The following IL17RD variants were observed in gnomAD, a reference collection of about 807,000 sequenced individuals.
IL17RD encodes interleukin-17 receptor D.
A neutral mutation model predicts 80.5 loss-of-function variants in IL17RD; 52 were observed. The ratio of observed to expected loss-of-function variants is 0.65; its 90% CI spans 0.52 to 0.81. IL17RD has a LOEUF of 0.81. IL17RD is among the 40% of genes least tolerant of loss of function. IL17RD has a pLI of 0.00. For synonymous variants in IL17RD, 416 were observed against 391.8 expected (o/e 1.06, Z -0.73); for missense variants, 1,024 against 955.1 (o/e 1.07, Z -0.95).
intron 1 of IL17RD, among the ~76,000 whole-genome samples, chr3:57,142,015 T>C (rs1192902362): frequency 3.3e-5 from 5 of 151,920 alleles, no homozygotes; most frequent in East Asian, 1.9e-4. Flanking sequence ...AACGCTCTTA[T>C]AGCCACAGGA....
chr3:57,168,188 C>G (rs148947582), upstream of IL17RD, among the ~76,000 whole-genome samples: 87 of 152,294 alleles, frequency 5.7e-4, no homozygotes, highest in African/African-American at 1.9e-3. Context: ...TTAGCACTTA[C>G]AAGAGAAAGA....
chr3:57,149,283 C>T (rs967451473), intron 1 of IL17RD, among the ~76,000 whole-genome samples: 1 of 144,160 alleles, frequency 6.9e-6, no homozygotes, highest in Non-Finnish European at 1.5e-5. Context: ...GTGACAAGAG[C>T]GAAACTCCAT....
rs904668017 is a variant in IL17RD at position 57,094,485 on chromosome 3, T to A, written c.*1908A>T. On this transcript the variant is annotated 3_prime_UTR_variant, in exon 13 of 13. Coordinates refer to ENST00000296318, the MANE Select transcript of IL17RD (RefSeq NM_017563.5). ...CACACCCTTGGAGCTCAGTTAATGC[T>A]TCTCCTCCCAGTCCTCCATTCTCTC... is the stretch of plus-strand genomic sequence containing the variant. The A allele has an allele frequency of 3.3e-5, 5 of 152,204 alleles. No homozygotes were observed. The highest frequency in any genetic ancestry group is 5.9e-5 in the Non-Finnish European group (4 of 68,042). The allele number at this position is 152,204 out of a possible 1,614,324, so 9.4% of individuals were successfully genotyped here.
At chr3:57,129,553 T>C (rs563437859) in intron 1 of IL17RD, among the ~76,000 whole-genome samples, 17 of 152,304 alleles carry the variant, frequency 1.1e-4, no homozygotes, top group African/African-American at 3.6e-4. Flanking sequence ...ATTCTGCTTT[T>C]ACAGCACAAA....
At chr3:57,138,939 CAAAAAAA>C (rs1026336884) in intron 1 of IL17RD, among the ~76,000 whole-genome samples, 3 of 40,492 alleles carry the variant, frequency 7.4e-5, no homozygotes, top group African/African-American at 1.8e-4. Context: ...AACTCCATCT[CAAAAAAA>C]AAAAAAAAAA....
Position 57,165,353 on chromosome 3 carries a change from T to A in IL17RD, c.-67A>T. ...CCGCCCGCCGCTGGCCAGCCCCGAG[T>A]GGGCGGTGGCCGCGGCGGCCGCGGC... On this transcript the variant is annotated 5_prime_UTR_variant, in exon 1 of 13. Coordinates refer to ENST00000296318, the MANE Select transcript of IL17RD (RefSeq NM_017563.5). 2 of 1,177,348 alleles carry A rather than the reference T, an allele frequency of 1.7e-6. No homozygotes were observed. The highest frequency in any genetic ancestry group is 4.7e-5 in the Admixed American group (1 of 21,286). 72.9% of individuals were successfully genotyped at this position (1,177,348 alleles called of 1,614,324 possible). A position where few individuals can be genotyped will look rare whatever the true frequency, so the allele number is the denominator to read the frequency against.
chr3:57,121,320 C>T (rs977178273), intron 1 of IL17RD, among the ~76,000 whole-genome samples: 1 of 152,126 alleles, frequency 6.6e-6, no homozygotes, highest in Admixed American at 6.6e-5. Flanking sequence ...TGATGGAGCC[C>T]AGGGTTTTCA....
Position 57,097,965 on chromosome 3 carries a change from C to A in IL17RD, c.1738G>T (p.Glu580Ter). 6.2e-7 allele frequency: 1 copy of A among 1,614,058 alleles called. No homozygotes were observed. Among genetic ancestry groups the A allele is most frequent in the Non-Finnish European group, 8.5e-7 (1 of 1,179,904 alleles). Reference sequence around the variant, plus strand: ...AAAACCAAGCCCGAATCAAATTTCTCCAAGACTGGCTCCCGGTAGCGCAGT... The same window carrying A: ...AAAACCAAGCCCGAATCAAATTTCTACAAGACTGGCTCCCGGTAGCGCAGT... ...PPLRYREPVL[E>*]KFDSGLVLND... Residue 580 changes from glutamate (E) to a stop codon, truncating the protein, a stop_gained, in exon 12 of 13, where the codon GAG (glutamate) becomes TAG (stop). Coordinates refer to ENST00000296318, the MANE Select transcript of IL17RD (RefSeq NM_017563.5). LOFTEE classifies it high-confidence loss of function.
chr3:57,091,878 G>A lies in IL17RD; in HGVS notation c.*4515C>T, dbSNP rs1222727312. Reference sequence around the variant, plus strand: ...CTGTCTGACACCAGGGGGAGAATATGCTAGATAATCTAAACTCTCTCCTAG... The same window carrying A: ...CTGTCTGACACCAGGGGGAGAATATACTAGATAATCTAAACTCTCTCCTAG... On this transcript the variant is annotated 3_prime_UTR_variant, in exon 13 of 13. Coordinates refer to ENST00000296318, the MANE Select transcript of IL17RD (RefSeq NM_017563.5). 2 of 152,222 alleles carry A rather than the reference G, an allele frequency of 1.3e-5. No individual in the cohort carries two copies. The highest frequency in any genetic ancestry group is 2.9e-5 in the Non-Finnish European group (2 of 68,038). 9.4% of individuals were successfully genotyped at this position (152,222 alleles called of 1,614,324 possible).
At chr3:57,159,107 A>G (rs2060286663) in intron 1 of IL17RD, among the ~76,000 whole-genome samples, 1 of 151,230 alleles carries the variant, frequency 6.6e-6, no homozygotes. Flanking sequence ...CTTAATTTAC[A>G]ATGTCGATAT....
At chr3:57,134,791 G>A (rs1376608884) in intron 1 of IL17RD, 2 of 418,406 alleles carry the variant, frequency 4.8e-6, no homozygotes, top group Admixed American at 6.9e-5. Flanking sequence ...AATAAAACAA[G>A]CCTTTACCTG....
chr3:57,105,552 A>AAAAAAT, intron 7 of IL17RD, among the ~76,000 whole-genome samples: 8 of 63,588 alleles, frequency 1.3e-4, no homozygotes, highest in African/African-American at 5.6e-4. Context: ...AAAAAAAAAA[A>AAAAAAT]ATATATATAT....
chr3:57,098,398 G>A lies in IL17RD; in HGVS notation c.1305C>T (p.Tyr435=). The change falls in exon 12 of 13, where the codon TAC becomes TAT. Residue 435 remains tyrosine (Y), a synonymous_variant. Coordinates refer to ENST00000296318, the MANE Select transcript of IL17RD (RefSeq NM_017563.5). Reference sequence around the variant, plus strand: ...AGCCTCGGCCACCTCCTTTGTGTTTGTAGTTCTTCTTGTCCACAAAGTACT... The same window carrying A: ...AGCCTCGGCCACCTCCTTTGTGTTTATAGTTCTTCTTGTCCACAAAGTACT... ...GMKYFVDKKN[Y]KHKGGGRGSG... is the part of the protein sequence containing the mutation. 1.2e-6 allele frequency: 2 copies of A among 1,613,976 alleles called. No individual in the cohort carries two copies. Among genetic ancestry groups the A allele is most frequent in the East Asian group, 2.2e-5 (1 of 44,874 alleles).
At chr3:57,111,337 G>C (rs1707092668) in intron 3 of IL17RD, among the ~76,000 whole-genome samples, 1 of 152,342 alleles carries the variant, frequency 6.6e-6, no homozygotes, top group South Asian at 2.1e-4. Context: ...GAGTAGGGAA[G>C]AGGAGCAACA....
intron 1 of IL17RD, among the ~76,000 whole-genome samples, chr3:57,163,029 T>A (rs767019939): frequency 1.3e-5 from 2 of 152,082 alleles, no homozygotes; most frequent in Non-Finnish European, 2.9e-5. Context: ...ACAGAGGGCA[T>A]CCATCCGGAG....
Position 57,098,026 on chromosome 3 carries a change from C to G in IL17RD, c.1677G>C (p.Trp559Cys). 6.2e-7 allele frequency: 1 copy of G among 1,614,054 alleles called. No homozygotes were observed. Among genetic ancestry groups the G allele is most frequent in the Non-Finnish European group, 8.5e-7 (1 of 1,179,906 alleles). ...GGAAGGGAACGAACTGCTTTTCGAACCAGTCGGGCTCCTCGTCAATAAACT... is the reference window on the plus strand; with the variant it reads ...GGAAGGGAACGAACTGCTTTTCGAAGCAGTCGGGCTCCTCGTCAATAAACT... The part of the protein sequence containing the change: ...MHQFIDEEPD[W>C]FEKQFVPFHP... The change falls in exon 12 of 13, where the codon TGG becomes TGC. Residue 559 changes from tryptophan to cysteine, a missense_variant. By Grantham distance (215) the Trp-to-Cys change is radical. Coordinates refer to ENST00000296318, the MANE Select transcript of IL17RD (RefSeq NM_017563.5).
intron 3 of IL17RD, among the ~76,000 whole-genome samples, chr3:57,113,756 T>G (rs2107489026): frequency 6.6e-6 from 1 of 152,152 alleles, no homozygotes; most frequent in Non-Finnish European, 1.5e-5. Flanking sequence ...TTGCCCAGGC[T>G]AGTCTCGAAC....
chr3:57,156,440 C>T (rs1286816892), intron 1 of IL17RD, among the ~76,000 whole-genome samples: 2 of 152,088 alleles, frequency 1.3e-5, no homozygotes, highest in African/African-American at 2.4e-5. Flanking sequence ...TGGCACGTGC[C>T]TGTAGTCCCA....
rs1179984316 is a variant in IL17RD at position 57,092,801 on chromosome 3, A to G, written c.*3592T>C. ...ATCTAACTACTGGCTGCATTTAGCA[A>G]GAGCATTTTCTGGTGGCACCGTCTG... is the stretch of plus-strand genomic sequence containing the variant. On this transcript the variant is annotated 3_prime_UTR_variant, in exon 13 of 13. Transcript: ENST00000296318. 3 of 152,202 alleles carry G rather than the reference A, an allele frequency of 2.0e-5. No individual in the cohort carries two copies. The highest frequency in any genetic ancestry group is 4.4e-5 in the Non-Finnish European group (3 of 68,028). 9.4% of individuals were successfully genotyped at this position (152,202 alleles called of 1,614,324 possible). A position where few individuals can be genotyped will look rare whatever the true frequency, so the allele number is the denominator to read the frequency against.
Sources: allele counts gnomAD v4.1 joint callset (sites outside exome capture counted in the v4.1 genomes callset), GRCh38; gene constraint gnomAD v4.1.1; transcripts MANE v1.5; gene names NCBI Gene and HGNC (gene_info 2026-07-23, HGNC 2026-07-21).